PLCE1: variants seen among roughly 807,000 people sequenced by gnomAD.
The protein encoded by PLCE1 is phospholipase C epsilon 1.
A neutral mutation model predicts 242.8 loss-of-function variants in PLCE1; 119 were observed. The observed-to-expected ratio is 0.49, with a 90% CI of 0.42 to 0.57. The LOEUF is 0.57. Among genes scored for constraint, PLCE1 ranks in the 20% least tolerant of loss-of-function variants. The probability of loss-of-function intolerance (pLI) is 0.00; values close to 1 mark genes in which losing one functional copy is unlikely to be tolerated. For synonymous variants in PLCE1, 945 were observed against 1,017.4 expected (o/e 0.93, Z 1.35); for missense variants, 2,441 against 2,788.8 (o/e 0.88, Z 2.81).
In PLCE1 at chr10:94,254,975, G is replaced by C; in HGVS notation, c.3480G>C (p.Leu1160Phe). The C allele has an allele frequency of 6.2e-7, 1 of 1,614,088 alleles. No individual in the cohort carries two copies. Among genetic ancestry groups the C allele is most frequent in the Non-Finnish European group, 8.5e-7 (1 of 1,180,006 alleles). Residue 1160 changes from leucine to phenylalanine, a missense_variant, in exon 11 of 33, where the codon TTG becomes TTC. Leu to Phe is a conservative substitution (Grantham distance 22, BLOSUM62 0). Transcript: ENST00000371380. ...HSLTTAGSPN[L>F]AAGTSSPIRP... ...TGACCACAGCTGGGTCCCCCAACTT[G>C]GCTGCCGGGACGTCATCTCCCATCA...
At chr10:94,301,386 A>ATAGT (rs1352834613) in intron 24 of PLCE1, among the ~76,000 whole-genome samples, 2 of 152,110 alleles carry the variant, frequency 1.3e-5, no homozygotes, top group Non-Finnish European at 2.9e-5. Context: ...AGATAGATAG[A>ATAGT]TCGAATAGAT....
chr10:94,105,670 T>G (rs548085995), intron 2 of PLCE1: 1 of 152,184 alleles, frequency 6.6e-6, no homozygotes, highest in African/African-American at 2.4e-5. Context: ...CTGAAAGCAC[T>G]CAATAAATAT....
intron 1 of PLCE1, among the ~76,000 whole-genome samples, chr10:94,024,755 C>T (rs1411475015): frequency 6.6e-6 from 1 of 152,108 alleles, no homozygotes. Context: ...TTCCATTTGG[C>T]TTAGGAGAAT....
chr10:94,244,242 G>A (rs1215476434), intron 7 of PLCE1, among the ~76,000 whole-genome samples: 1 of 152,122 alleles, frequency 6.6e-6, no homozygotes, highest in African/African-American at 2.4e-5. Flanking sequence ...TGATACTGTC[G>A]TTGCCTCATC....
At chr10:94,070,008 A>C (rs1365544275) in intron 2 of PLCE1, among the ~76,000 whole-genome samples, 1 of 151,938 alleles carries the variant, frequency 6.6e-6, no homozygotes, top group East Asian at 1.9e-4. Context: ...TTTCTTATAT[A>C]AGCCTCCTTC....
intron 2 of PLCE1, among the ~76,000 whole-genome samples, chr10:94,110,252 C>T (rs1410820604): frequency 6.6e-6 from 1 of 151,384 alleles, no homozygotes; most frequent in Non-Finnish European, 1.5e-5. Context: ...TTAGTAGAGA[C>T]GAGGTTTCAC....
intron 19 of PLCE1, among the ~76,000 whole-genome samples, chr10:94,276,572 T>A (rs1030214953): frequency 1.7e-4 from 26 of 152,274 alleles, no homozygotes; most frequent in African/African-American, 6.0e-4. Flanking sequence ...ACAATAATAA[T>A]TCTTATTATC....
intron 30 of PLCE1, among the ~76,000 whole-genome samples, chr10:94,323,932 G>C (rs2133900711): frequency 6.6e-6 from 1 of 152,328 alleles, no homozygotes; most frequent in South Asian, 2.1e-4. Context: ...CTGTGATAGA[G>C]ATAGCCCAGT....
chr10:94,103,072 G>T (rs1331491681), intron 2 of PLCE1, among the ~76,000 whole-genome samples: 3 of 152,160 alleles, frequency 2.0e-5, no homozygotes, highest in African/African-American at 7.2e-5. Context: ...TCTAAAGATA[G>T]ATATACCAAA....
intron 4 of PLCE1, among the ~76,000 whole-genome samples, chr10:94,179,015 T>C (rs1309453399): frequency 6.6e-6 from 1 of 152,174 alleles, no homozygotes; most frequent in African/African-American, 2.4e-5. Context: ...AAACTGCTGA[T>C]AAAAACCCCC....
chr10:94,065,159 C>T (rs1357100672), intron 2 of PLCE1, among the ~76,000 whole-genome samples: 1 of 152,174 alleles, frequency 6.6e-6, no homozygotes, highest in African/African-American at 2.4e-5. Context: ...AGCTTCTCAC[C>T]CAACTCCTGC....
chr10:94,242,272 T>G (rs1456311793), intron 7 of PLCE1, among the ~76,000 whole-genome samples: 1 of 151,656 alleles, frequency 6.6e-6, no homozygotes, highest in East Asian at 1.9e-4. Context: ...TAACCCCAGA[T>G]CTTGTGTTTT....
chr10:94,124,011 C>A (rs1420334595), intron 2 of PLCE1, among the ~76,000 whole-genome samples: 1 of 152,060 alleles, frequency 6.6e-6, no homozygotes, highest in Non-Finnish European at 1.5e-5. Flanking sequence ...AGAGAGGGAA[C>A]AGGAGAAGCT....
intron 16 of PLCE1, 66 bp downstream of exon 16, chr10:94,266,024 C>CA (rs1239706394): frequency 2.0e-6 from 3 of 1,486,234 alleles, no homozygotes; most frequent in East Asian, 2.3e-5. Context: ...CCCCCAAAGT[C>CA]AAAAAAACCT....
chr10:94,257,767 G>A (rs1449762975), intron 11 of PLCE1, among the ~76,000 whole-genome samples: 1 of 152,160 alleles, frequency 6.6e-6, no homozygotes, highest in Non-Finnish European at 1.5e-5. Flanking sequence ...ACCAGGGCCT[G>A]TTGTGGGGTG....
At chr10:94,098,100 A>G (rs1269438629) in intron 2 of PLCE1, among the ~76,000 whole-genome samples, 1 of 152,212 alleles carries the variant, frequency 6.6e-6, no homozygotes, top group Non-Finnish European at 1.5e-5. Flanking sequence ...TTGGATAAGT[A>G]CATTTAGGAC....
At chr10:94,201,615 A>G (rs1008985826) in intron 4 of PLCE1, among the ~76,000 whole-genome samples, 4 of 152,126 alleles carry the variant, frequency 2.6e-5, no homozygotes, top group Non-Finnish European at 5.9e-5. Context: ...AGCTGGGACC[A>G]CAGGCGCCTG....
At chr10:94,156,629 T>G (rs1043743749) in intron 3 of PLCE1, among the ~76,000 whole-genome samples, 2 of 152,200 alleles carry the variant, frequency 1.3e-5, no homozygotes, top group Non-Finnish European at 2.9e-5. Context: ...TGAGGAATTT[T>G]TATTGAGGCT....
intron 2 of PLCE1, among the ~76,000 whole-genome samples, chr10:94,085,360 G>A (rs976125443): frequency 1.3e-5 from 2 of 152,108 alleles, no homozygotes; most frequent in Admixed American, 1.3e-4. Context: ...GAGAATTGAT[G>A]ACCACAGAAG....
Sources: gnomAD v4.1 joint callset for allele counts (sites outside exome capture counted in the v4.1 genomes callset) on GRCh38, gnomAD v4.1.1 for gene constraint, MANE v1.5 for transcripts, NCBI Gene and HGNC (gene_info 2026-07-23, HGNC 2026-07-21) for gene names.